Variants in PDE1C observed in about 807,000 individuals in gnomAD.
PDE1C encodes the protein dual specificity calcium/calmodulin-dependent 3',5'-cyclic nucleotide phosphodiesterase 1C.
In PDE1C, 62 loss-of-function variants were observed where a neutral mutation model predicts 93.1. The observed-to-expected ratio is 0.67, with a 90% CI of 0.54 to 0.82. The LOEUF is 0.82. Among genes scored for constraint, PDE1C ranks in the 40% least tolerant of loss-of-function variants. The probability of loss-of-function intolerance (pLI) is 0.00; values close to 1 mark genes in which losing one functional copy is unlikely to be tolerated. For missense variants in PDE1C, 742 were observed against 884.6 expected, an observed-to-expected ratio of 0.84 and a Z score of 2.04; for synonymous variants, 325 against 310.1, an observed-to-expected ratio of 1.05 and a Z score of -0.50.
intron 3 of PDE1C, among the ~76,000 whole-genome samples, chr7:32,139,368 A>G (rs1312731393): frequency 6.8e-6 from 1 of 147,152 alleles, no homozygotes; most frequent in East Asian, 2.0e-4. Context: ...TCTCAAATCA[A>G]TCATTCTTTA....
chr7:32,021,699 G>A (rs1788698385), intron 2 of PDE1C, among the ~76,000 whole-genome samples: 1 of 151,858 alleles, frequency 6.6e-6, no homozygotes, highest in African/African-American at 2.4e-5. Flanking sequence ...TCTCCCTCTA[G>A]CATTTTCAGT....
chr7:32,315,067 G>A (rs1278427079), intron 1 of PDE1C, among the ~76,000 whole-genome samples: 1 of 148,700 alleles, frequency 6.7e-6, no homozygotes, highest in East Asian at 2.0e-4. Flanking sequence ...AAGGATGCTG[G>A]AGTTCTGAAG....
intron 2 of PDE1C, among the ~76,000 whole-genome samples, chr7:32,185,685 T>C (rs879569203): frequency 1.3e-5 from 2 of 152,230 alleles, no homozygotes; most frequent in African/African-American, 4.8e-5. Context: ...TGAGTATTTA[T>C]TTGCTTATTT....
At chr7:31,902,888 C>G (rs937732054) in intron 2 of PDE1C, among the ~76,000 whole-genome samples, 2 of 151,502 alleles carry the variant, frequency 1.3e-5, no homozygotes, top group Admixed American at 6.6e-5. Flanking sequence ...TTATCAGTTA[C>G]CTGATAGAGT....
intron 2 of PDE1C, among the ~76,000 whole-genome samples, chr7:31,997,111 A>T (rs750470122): frequency 6.6e-6 from 1 of 152,256 alleles, no homozygotes; most frequent in African/African-American, 2.4e-5. Context: ...ACATTAAATA[A>T]CAACAAACAG....
chr7:32,362,903 G>A (rs1357552484), intron 1 of PDE1C, among the ~76,000 whole-genome samples: 1 of 152,230 alleles, frequency 6.6e-6, no homozygotes, highest in Non-Finnish European at 1.5e-5. Flanking sequence ...GAAGACCCAA[G>A]TACACATGAC....
Position 31,886,775 on chromosome 7 carries a change from T to TTTTCGG in PDE1C, c.129-5916_129-5915insCCGAAA, listed in dbSNP as rs1347917449. 6.7e-5 allele frequency among the ~76,000 whole-genome samples: 10 copies of TTTTCGG among 148,760 alleles called. 1 individual carries two copies. Among genetic ancestry groups the TTTTCGG allele is most frequent in the Non-Finnish European group, 1.5e-5 (1 of 66,934 alleles). On this transcript the variant is annotated intron_variant, in intron 2 of 17. Transcript: ENST00000396191. The stretch of plus-strand genomic sequence containing the variant: ...CTGAAGGCAGTGATCTATTCAGATC[T>TTTTCGG]ATTCAGAATAGATCTTTTCGGATCT...
intron 16 of PDE1C, among the ~76,000 whole-genome samples, chr7:31,794,802 A>C (rs572064666): frequency 6.6e-6 from 1 of 152,090 alleles, no homozygotes; most frequent in Admixed American, 6.6e-5. Context: ...GAATCTGTGA[A>C]GTCAGGAAGA....
At chr7:31,709,054 C>A in the PDE1C span, among the ~76,000 whole-genome samples, 1 of 152,198 alleles carries the variant, frequency 6.6e-6, no homozygotes, top group Non-Finnish European at 1.5e-5. Flanking sequence ...TAACCACCAG[C>A]AGCAATGTTT....
chr7:32,373,791 C>G (rs1441571825), intron 1 of PDE1C, among the ~76,000 whole-genome samples: 1 of 152,092 alleles, frequency 6.6e-6, no homozygotes, highest in Non-Finnish European at 1.5e-5. Flanking sequence ...AATTTGAGAC[C>G]AGCCTGGCCA....
intron 7 of PDE1C, among the ~76,000 whole-genome samples, chr7:31,860,154 G>T (rs1031149829): frequency 2.6e-5 from 4 of 152,168 alleles, no homozygotes; most frequent in Non-Finnish European, 5.9e-5. Context: ...CAGTATATGA[G>T]AACATAATTT....
chr7:31,857,058 A>G (rs941159703), intron 7 of PDE1C, among the ~76,000 whole-genome samples: 4 of 152,154 alleles, frequency 2.6e-5, no homozygotes, highest in African/African-American at 9.7e-5. Flanking sequence ...GCCCATCCAT[A>G]CAACTTTATT....
intron 2 of PDE1C, among the ~76,000 whole-genome samples, chr7:31,928,484 G>C (rs1246701680): frequency 6.6e-6 from 1 of 151,578 alleles, no homozygotes; most frequent in Non-Finnish European, 1.5e-5. Context: ...ATAACCATCA[G>C]ATTCTCCAAG....
chr7:31,876,459 G>C (rs908445829), intron 5 of PDE1C, among the ~76,000 whole-genome samples: 2 of 152,092 alleles, frequency 1.3e-5, no homozygotes, highest in African/African-American at 2.4e-5. Flanking sequence ...TAGAAAAGAG[G>C]CTTCAATTTG....
intron 3 of PDE1C, among the ~76,000 whole-genome samples, chr7:32,108,014 T>C (rs1798423519): frequency 6.6e-6 from 1 of 150,820 alleles, no homozygotes. Context: ...TATACTAAGA[T>C]AAAAAATAAA....
intron 3 of PDE1C, among the ~76,000 whole-genome samples, chr7:32,152,674 G>T (rs566091685): frequency 2.9e-4 from 44 of 152,182 alleles, no homozygotes; most frequent in African/African-American, 1.1e-3. Flanking sequence ...GATGGATATG[G>T]ACTTATATCA....
At chr7:31,828,765 T>A (rs1790012018) in intron 11 of PDE1C, among the ~76,000 whole-genome samples, 1 of 152,168 alleles carries the variant, frequency 6.6e-6, no homozygotes, top group Non-Finnish European at 1.5e-5. Flanking sequence ...TCCTCCCAGA[T>A]GTGGGCAGTG....
intron 2 of PDE1C, among the ~76,000 whole-genome samples, chr7:31,996,805 T>A (rs1784783564): frequency 1.3e-5 from 2 of 152,212 alleles, no homozygotes; most frequent in African/African-American, 4.8e-5. Flanking sequence ...TAAGAAATAT[T>A]TGAAAACTCA....
the PDE1C span, chr7:31,653,716 A>G: frequency 2.0e-5 from 3 of 152,184 alleles, no homozygotes; most frequent in Admixed American, 2.0e-4. Context: ...TTTACTTCAT[A>G]ATTTTGGGGT....
Sources: allele counts gnomAD v4.1 joint callset (sites outside exome capture counted in the v4.1 genomes callset), GRCh38; gene constraint gnomAD v4.1.1; transcripts MANE v1.5; gene names NCBI Gene and HGNC (gene_info 2026-07-23, HGNC 2026-07-21).